The following FOCAD variants were observed in gnomAD, a reference collection of about 807,000 sequenced individuals.
FOCAD encodes KIAA1797.
A neutral mutation model predicts 225.6 loss-of-function variants in FOCAD; 198 were observed. The observed-to-expected ratio is 0.88, with a 90% CI of 0.78 to 0.99. The LOEUF is 0.99. Ranked by LOEUF, FOCAD falls within the 50% of genes least tolerant of loss-of-function variation. The pLI, the probability that FOCAD is intolerant of heterozygous loss-of-function variation, is 0.00. For missense variants in FOCAD, 2,713 were observed against 2,123.6 expected (o/e 1.28, Z -5.46); for synonymous variants, 897 against 755.0 (o/e 1.19, Z -3.08).
intron 3 of FOCAD, among the ~76,000 whole-genome samples, chr9:20,719,503 TC>T (rs1825608725): frequency 6.6e-6 from 1 of 151,924 alleles, no homozygotes; most frequent in Non-Finnish European, 1.5e-5. Flanking sequence ...CATTATTTGT[TC>T]TTTTTTTTTT....
chr9:20,811,209 A>G (rs186954650), intron 11 of FOCAD, among the ~76,000 whole-genome samples: 12 of 152,224 alleles, frequency 7.9e-5, no homozygotes, highest in African/African-American at 2.4e-4. Context: ...ACAAAGGTCT[A>G]TGAGATGTCA....
At chr9:20,760,696 G>A (rs921766828) in intron 6 of FOCAD, among the ~76,000 whole-genome samples, 9 of 152,142 alleles carry the variant, frequency 5.9e-5, no homozygotes, top group Non-Finnish European at 1.0e-4. Flanking sequence ...ATACCTTACA[G>A]TTGCGACATT....
chr9:20,809,187 T>A (rs1318666138), intron 11 of FOCAD, among the ~76,000 whole-genome samples: 1 of 152,172 alleles, frequency 6.6e-6, no homozygotes, highest in Non-Finnish European at 1.5e-5. Context: ...TGATAGACAT[T>A]TAAGTTTTCC....
intron 28 of FOCAD, among the ~76,000 whole-genome samples, chr9:20,940,207 T>C (rs1214316531): frequency 1.3e-5 from 2 of 152,084 alleles, no homozygotes; most frequent in Non-Finnish European, 2.9e-5. Flanking sequence ...TCCAAACTTT[T>C]AGTTCTACGG....
Position 20,866,917 on chromosome 9 carries a change from T to TTTTTTTTTTTAA in FOCAD, c.2107-12_2107-11insTTTTTTTTTTAA. The TTTTTTTTTTTAA allele has an allele frequency of 1.2e-5, 9 of 764,970 alleles. No individual in the cohort carries two copies. Among genetic ancestry groups the TTTTTTTTTTTAA allele is most frequent in the Non-Finnish European group, 1.8e-5 (9 of 498,466 alleles). The allele number at this position is 764,970 out of a possible 1,614,324, so 47.4% of individuals were successfully genotyped here. A position where few individuals can be genotyped will look rare whatever the true frequency, so the allele number is the denominator to read the frequency against. On this transcript the variant is annotated splice_polypyrimidine_tract_variant and intron_variant, in intron 17 of 43. Transcript: ENST00000338382. ...TTTTTTTTTTTTTTTTTTTTTTTTT[T>TTTTTTTTTTTAA]ACCCTATCTAGGACCCAATTGTAGC... is the stretch of plus-strand genomic sequence containing the variant.
chr9:20,986,474 A>G lies in FOCAD; in HGVS notation c.4906+9A>G. 1 of 1,584,450 alleles carries G rather than the reference A, an allele frequency of 6.3e-7. No individual in the cohort carries two copies. The highest frequency in any genetic ancestry group is 8.6e-7 in the Non-Finnish European group (1 of 1,166,784). On this transcript the variant is annotated intron_variant, in intron 40 of 43. Coordinates refer to ENST00000338382, the MANE Select transcript of FOCAD (RefSeq NM_001375567.1). Reference sequence around the variant, plus strand: ...GAGCCATGCCAATACGGGTGAGGACACCCTGGGGTGAACATCAGAAACAGG... The same window carrying G: ...GAGCCATGCCAATACGGGTGAGGACGCCCTGGGGTGAACATCAGAAACAGG...
intron 41 of FOCAD, 95 bp downstream of exon 41, chr9:20,988,524 A>C: frequency 2.4e-6 from 1 of 416,376 alleles, no homozygotes; most frequent in South Asian, 4.8e-5. Context: ...TTAATTGGCA[A>C]AAACTGCAAT....
intron 35 of FOCAD, among the ~76,000 whole-genome samples, chr9:20,967,291 AT>A (rs1267105134): frequency 6.6e-6 from 1 of 152,020 alleles, no homozygotes; most frequent in Non-Finnish European, 1.5e-5. Context: ...TGCAAGTGGA[AT>A]TTTTTCTAAA....
chr9:20,993,409 T>A lies in FOCAD; in HGVS notation c.5332+81T>A, dbSNP rs1841830582. 4 of 1,212,288 alleles carry A rather than the reference T, an allele frequency of 3.3e-6. No individual in the cohort carries two copies. In the East Asian group the frequency reaches 9.6e-5, roughly 29 times the overall value. The allele number at this position is 1,212,288 out of a possible 1,614,324, so 75.1% of individuals were successfully genotyped here. On this transcript the variant is annotated intron_variant, in intron 43 of 43. Transcript: ENST00000338382. ...TGGAGCAGAATGGCATTCTAGTGGT[T>A]GCAGGTTGAGTATCTCTTACCCGAA...
chr9:20,808,435 A>C (rs1307514720), intron 11 of FOCAD, among the ~76,000 whole-genome samples: 1 of 152,222 alleles, frequency 6.6e-6, no homozygotes, highest in African/African-American at 2.4e-5. Context: ...CCCTAAGTAT[A>C]CTGGAATAAA....
intron 1 of FOCAD, among the ~76,000 whole-genome samples, chr9:20,688,551 A>G (rs1484560196): frequency 6.6e-6 from 1 of 152,162 alleles, no homozygotes; most frequent in African/African-American, 2.4e-5. Context: ...TAGGCTGGAG[A>G]TAGAGATTAG....
In FOCAD at chr9:20,974,109, T is replaced by C. The variant is rs1397874270; in HGVS notation, c.4133-2311T>C. Among the ~76,000 whole-genome samples, 4 of 149,734 alleles carry C rather than the reference T, an allele frequency of 2.7e-5. No individual in the cohort carries two copies. The East Asian group carries it at 7.9e-4, about 30-fold the overall frequency. ...CCTACTTCCCCCTTCTTTCAGCATC[T>C]GTTCATGGCCTCTGCTTCTCCTTTT... On this transcript the variant is annotated intron_variant, in intron 35 of 43. Transcript: ENST00000338382.
chr9:20,839,552 C>T (rs1317196936), intron 15 of FOCAD, among the ~76,000 whole-genome samples: 1 of 152,062 alleles, frequency 6.6e-6, no homozygotes, highest in Non-Finnish European at 1.5e-5. Flanking sequence ...TGAGCCACTG[C>T]AACCAGCCTG....
At chr9:20,916,993 G>C in intron 24 of FOCAD, 56 bp downstream of exon 24, 1 of 1,385,062 alleles carries the variant, frequency 7.2e-7, no homozygotes. Flanking sequence ...TTTCCTGGCA[G>C]GTACATACAT....
At position 20,982,516 on chromosome 9, in the gene FOCAD, G is replaced by C. The variant is rs56069924; in HGVS notation, c.4728+70G>C. On this transcript the variant is annotated intron_variant, in intron 39 of 43. Coordinates refer to ENST00000338382, the MANE Select transcript of FOCAD (RefSeq NM_001375567.1). ...AATTACGATTGAATAATTGATTTCA[G>C]TGTTTGGCTGAAGCAAGTTTTGCTT... 0.028 allele frequency: 35,650 copies of C among 1,277,416 alleles called. 638 individuals are homozygous for C. Among genetic ancestry groups the C allele is most frequent in the Non-Finnish European group, 0.033 (29,030 of 888,640 alleles). 79.1% of individuals were successfully genotyped at this position (1,277,416 alleles called of 1,614,324 possible). A position where few individuals can be genotyped will look rare whatever the true frequency, so the allele number is the denominator to read the frequency against.
chr9:20,990,287 G>T lies in FOCAD; in HGVS notation c.5169G>T (p.Arg1723Ser). 6.2e-7 allele frequency: 1 copy of T among 1,614,078 alleles called. No individual in the cohort carries two copies. ...PSFLGRSPMH[R>S]VTLQEVLTLL... The stretch of plus-strand genomic sequence containing the variant: ...TCCTTGGCAGGAGTCCAATGCACAG[G>T]GTCACTCTGCAGGAGGTTCTCACTC... The change falls in exon 42 of 44, where the codon AGG becomes AGT. Residue 1723 changes from arginine to serine, a missense_variant. Physicochemically the swap from Arg to Ser is moderately radical, Grantham distance 110. Coordinates refer to ENST00000338382, the MANE Select transcript of FOCAD (RefSeq NM_001375567.1).
intron 15 of FOCAD, among the ~76,000 whole-genome samples, chr9:20,834,647 C>T (rs1453324630): frequency 6.6e-6 from 1 of 152,018 alleles, no homozygotes; most frequent in East Asian, 1.9e-4. Flanking sequence ...TCCTTATGAA[C>T]TTCAGGAACA....
chr9:20,934,016 T>C (rs1348879530), intron 28 of FOCAD, among the ~76,000 whole-genome samples: 1 of 152,136 alleles, frequency 6.6e-6, no homozygotes, highest in Admixed American at 6.5e-5. Context: ...CTTTTGAGAA[T>C]TGTCTATTCA....
In FOCAD at chr9:20,978,344, G is replaced by C. The variant is rs1300273380; in HGVS notation, c.4267G>C (p.Glu1423Gln). The C allele has an allele frequency of 6.3e-7, 1 of 1,596,822 alleles. No homozygotes were observed. Among genetic ancestry groups the C allele is most frequent in the Non-Finnish European group, 8.6e-7 (1 of 1,169,560 alleles). The change falls in exon 37 of 44, where the codon GAG (glutamate) becomes CAG (glutamine). Residue 1423 changes from glutamate (E) to glutamine (Q), a missense_variant. Coordinates refer to ENST00000338382, the MANE Select transcript of FOCAD (RefSeq NM_001375567.1). ...SPLMRLNFGE[E>Q]IQQLCLEIMV... ...TTTCCTTTCTTGACTTTCAGGTGAA[G>C]AGATCCAGCAACTGTGCCTTGAAAT...
Sources: gnomAD v4.1 joint callset for allele counts (sites outside exome capture counted in the v4.1 genomes callset) on GRCh38, gnomAD v4.1.1 for gene constraint, MANE v1.5 for transcripts, NCBI Gene and HGNC (gene_info 2026-07-23, HGNC 2026-07-21) for gene names.